Variants in PPM1J observed in about 807,000 individuals in gnomAD.
The protein encoded by PPM1J is protein phosphatase 1J.
A neutral mutation model predicts 53.3 loss-of-function variants in PPM1J; 43 were observed. The ratio of observed to expected loss-of-function variants is 0.81; its 90% CI spans 0.63 to 1.04. PPM1J has a LOEUF of 1.04. PPM1J is among the 50% of genes least tolerant of loss of function. The pLI is 0.00. For synonymous variants in PPM1J, 267 were observed against 286.4 expected, an observed-to-expected ratio of 0.93 and a Z score of 0.68; for missense variants, 635 against 685.9, an observed-to-expected ratio of 0.93 and a Z score of 0.83.
At position 112,712,384 on chromosome 1, in the gene PPM1J, A is replaced by C; in HGVS notation, c.803T>G (p.Leu268Arg). The part of the protein sequence containing the change: ...GGCCALVVIY[L>R]LGKVYVANAG... ...ATTGGCCACGTACACCTTGCCTAGCAGGTAGATCACAACCAGTGCACAGCA... is the reference window on the plus strand; with the variant it reads ...ATTGGCCACGTACACCTTGCCTAGCCGGTAGATCACAACCAGTGCACAGCA... The change falls in exon 4 of 10, where the codon CTG becomes CGG. Residue 268 changes from leucine to arginine, a missense_variant. Leu to Arg is a moderately radical substitution (Grantham distance 102, BLOSUM62 -2). Transcript: ENST00000309276. The C allele has an allele frequency of 6.2e-7, 1 of 1,613,934 alleles. No individual in the cohort carries two copies.
chr1:112,711,056 G>C lies in PPM1J; in HGVS notation c.1062C>G (p.Ile354Met), dbSNP rs755866439. 3.7e-6 allele frequency: 6 copies of C among 1,613,960 alleles called. No homozygotes were observed. Among genetic ancestry groups the C allele is most frequent in the South Asian group, 2.2e-5 (2 of 91,054 alleles). The change falls in exon 7 of 10, where the codon ATC becomes ATG. Residue 354 changes from isoleucine (I) to methionine (M), a missense_variant. Transcript: ENST00000309276. ...QNMTGWAYKK[I>M]ELEDLRFPLV... ...GAGGAAACCTGAGATCCTCCAGCTC[G>C]ATCTTTTTGTAGGCCCTGGGGAGGG...
intron 9 of PPM1J, 60 bp downstream of exon 9, chr1:112,710,400 T>TCC: frequency 1.2e-6 from 2 of 1,611,070 alleles, no homozygotes; most frequent in Non-Finnish European, 1.7e-6. Flanking sequence ...AAGCATTGCT[T>TCC]CCCTTTGACC....
intron 5 of PPM1J, 54 bp downstream of exon 5, chr1:112,711,917 G>T: frequency 1.5e-6 from 2 of 1,290,524 alleles, no homozygotes; most frequent in South Asian, 1.3e-5. Flanking sequence ...ATGGGGTGCA[G>T]GGAGGCACAA....
intron 1 of PPM1J, chr1:112,714,737 C>T (rs1348327574): frequency 2.0e-5 from 25 of 1,253,626 alleles, no homozygotes; most frequent in Non-Finnish European, 2.4e-5. Context: ...CCTGAGGCGG[C>T]GTGGGCGAGG....
At chr1:112,714,814 G>A (rs928762323) in intron 1 of PPM1J, 162 bp downstream of exon 1, 2 of 1,280,974 alleles carry the variant, frequency 1.6e-6, no homozygotes, top group African/African-American at 3.1e-5. Context: ...AAATGGGTTG[G>A]GAGGGGGTGC....
chr1:112,713,655 G>A (rs1282114725), intron 1 of PPM1J, 44 bp from the exon 2 acceptor site: 2 of 1,467,798 alleles, frequency 1.4e-6, no homozygotes, highest in Non-Finnish European at 1.9e-6. Flanking sequence ...ACCAGACCAG[G>A]TCCTGGAATA....
Position 112,710,173 on chromosome 1 carries a change from CT to C in PPM1J, c.1507del (p.Ser503ValfsTer30). On this transcript the variant is annotated frameshift_variant, in exon 10 of 10. Coordinates refer to ENST00000309276, the MANE Select transcript of PPM1J (RefSeq NM_005167.7). LOFTEE classifies it high-confidence loss of function. ...ATGGTGTTCAGCCCCTCAGGAGTAA[CT>C]GCCTGGCCCTCCCAGGGGGATGACG... Reference protein sequence around the residue: ...VFVIPLGGPGSYS With the variant: ...VFVIPLGGPGXYS The C allele has an allele frequency of 6.4e-7, 1 of 1,565,410 alleles. No individual in the cohort carries two copies. The highest frequency in any genetic ancestry group is 8.6e-7 in the Non-Finnish European group (1 of 1,160,150).
At chr1:112,713,086 G>GTC in intron 2 of PPM1J, 55 bp from the exon 3 acceptor site, 1 of 1,409,854 alleles carries the variant, frequency 7.1e-7, no homozygotes, top group Non-Finnish European at 9.6e-7. Context: ...GTGTGTGTGT[G>GTC]TGTGTGTGTG....
At chr1:112,713,696 C>A (rs954089888) in intron 1 of PPM1J, 85 bp from the exon 2 acceptor site, 25 of 1,106,274 alleles carry the variant, frequency 2.3e-5, no homozygotes, top group Non-Finnish European at 3.4e-5. Context: ...CCGTCTCCTG[C>A]GCCCGCTGGC....
chr1:112,710,052 C>G lies in PPM1J; in HGVS notation c.*111G>C, dbSNP rs1675020127. 1 of 1,470,082 alleles carries G rather than the reference C, an allele frequency of 6.8e-7. No homozygotes were observed. Among genetic ancestry groups the G allele is most frequent in the Non-Finnish European group, 9.0e-7 (1 of 1,113,372 alleles). The allele number at this position is 1,470,082 out of a possible 1,614,324, so 91.1% of individuals were successfully genotyped here. On this transcript the variant is annotated 3_prime_UTR_variant, in exon 10 of 10. Coordinates refer to ENST00000309276, the MANE Select transcript of PPM1J (RefSeq NM_005167.7). Reference sequence around the variant, plus strand: ...TGTAATTTTGGATATAGCGGACATCCCTTCTTCAGTTAAGTTGCCACTAAA... The same window carrying G: ...TGTAATTTTGGATATAGCGGACATCGCTTCTTCAGTTAAGTTGCCACTAAA...
At position 112,711,256 on chromosome 1, in the gene PPM1J, G is replaced by T; in HGVS notation, c.1046+10C>A. On this transcript the variant is annotated intron_variant, in intron 6 of 9. Coordinates refer to ENST00000309276, the MANE Select transcript of PPM1J (RefSeq NM_005167.7). ...ATGGGAACGGGCCCCAGCTCTGAGG[G>T]AAGTGTTACCAGCCGGTCATGTTCT... is the stretch of plus-strand genomic sequence containing the variant. 2 of 1,596,172 alleles carry T rather than the reference G, an allele frequency of 1.3e-6. No homozygotes were observed. The highest frequency in any genetic ancestry group is 1.1e-5 in the South Asian group (1 of 90,552).
Position 112,710,230 on chromosome 1 carries a change from T to C in PPM1J, c.1451A>G (p.Lys484Arg), listed in dbSNP as rs1335581142. The C allele has an allele frequency of 6.5e-7, 1 of 1,541,594 alleles. No individual in the cohort carries two copies. The highest frequency in any genetic ancestry group is 2.0e-5 in the Admixed American group (1 of 49,322). ...AGAGATGTCATCCCCGGAACCCAGC[T>C]TGTTGTTGGGGAGACGCCAGCCACG... Reference protein sequence around the residue: ...RDRGWRLPNNKLGSGDDISVF... With the variant: ...RDRGWRLPNNRLGSGDDISVF... Residue 484 changes from lysine (K) to arginine (R), a missense_variant, in exon 10 of 10, where the codon AAG (lysine) becomes AGG (arginine). Physicochemically the swap from Lys to Arg is conservative, Grantham distance 26 (BLOSUM62 2). Coordinates refer to ENST00000309276, the MANE Select transcript of PPM1J (RefSeq NM_005167.7).
At chr1:112,711,104 A>AG in intron 6 of PPM1J, 33 bp from the exon 7 acceptor site, 2 of 1,597,836 alleles carry the variant, frequency 1.3e-6, no homozygotes, top group Non-Finnish European at 1.7e-6. Flanking sequence ...GGCATCACCC[A>AG]GGCATCAAAG....
intron 1 of PPM1J, among the ~76,000 whole-genome samples, chr1:112,713,886 CAAA>C: frequency 7.0e-6 from 1 of 143,788 alleles, no homozygotes; most frequent in East Asian, 2.0e-4. Context: ...CCATCCCTGG[CAAA>C]AAAAAAAGAA....
In PPM1J at chr1:112,712,043, GA is replaced by G. The variant is rs1369000337; in HGVS notation, c.854del (p.Val285AlafsTer28). ...ACATTGGAATGATTTCACCATTCCGGACAATGATGGCCCTGCCCAAAGAAAG... is the reference window on the plus strand; with the variant it reads ...ACATTGGAATGATTTCACCATTCCGGCAATGATGGCCCTGCCCAAAGAAAG... Reference protein sequence around the residue: ...ANAGDSRAIIVRNGEIIPMSR... With the variant: ...ANAGDSRAIIXRNGEIIPMSR... On this transcript the variant is annotated frameshift_variant, in exon 5 of 10. Coordinates refer to ENST00000309276, the MANE Select transcript of PPM1J (RefSeq NM_005167.7). LOFTEE classifies it high-confidence loss of function. The G allele has an allele frequency of 3.1e-5, 50 of 1,609,284 alleles. No homozygotes were observed. Among genetic ancestry groups the G allele is most frequent in the Non-Finnish European group, 4.0e-5 (47 of 1,176,826 alleles).
chr1:112,711,208 G>A, intron 6 of PPM1J, 58 bp downstream of exon 6: 1 of 1,488,128 alleles, frequency 6.7e-7, no homozygotes, highest in South Asian at 1.1e-5. Flanking sequence ...CCTTGCTGCG[G>A]GCGAGGGACT....
chr1:112,710,464 T>G lies in PPM1J; in HGVS notation c.1366A>C (p.Ser456Arg). 6.2e-7 allele frequency: 1 copy of G among 1,613,826 alleles called. No individual in the cohort carries two copies. The highest frequency in any genetic ancestry group is 8.5e-7 in the Non-Finnish European group (1 of 1,180,024). ...VLSAYEPNDH[S>R]RYTALAQALV... ...ACCATGCCATGCAGCCCCTACCTGC[T>G]GTGGTCATTAGGCTCATAGGCCGAC... The change falls in exon 9 of 10, where the codon AGC becomes CGC. Residue 456 changes from serine (S) to arginine (R), a missense_variant. Ser to Arg is a moderately radical substitution (Grantham distance 110). Transcript: ENST00000309276.
In PPM1J at chr1:112,710,071, C is replaced by T. The variant is rs867315965; in HGVS notation, c.*92G>A. Reference sequence around the variant, plus strand: ...GACATCCCTTCTTCAGTTAAGTTGCCACTAAAGAAGGGTCAGGGAGACAAC... The same window carrying T: ...GACATCCCTTCTTCAGTTAAGTTGCTACTAAAGAAGGGTCAGGGAGACAAC... On this transcript the variant is annotated 3_prime_UTR_variant, in exon 10 of 10. Coordinates refer to ENST00000309276, the MANE Select transcript of PPM1J (RefSeq NM_005167.7). The T allele has an allele frequency of 5.4e-6, 8 of 1,470,020 alleles. No individual in the cohort carries two copies. In the African/African-American group the frequency reaches 7.1e-5, roughly 13 times the overall value. The allele number at this position is 1,470,020 out of a possible 1,614,324, so 91.1% of individuals were successfully genotyped here.
intron 1 of PPM1J, chr1:112,714,058 C>A (rs1675136221): frequency 4.8e-6 from 5 of 1,036,708 alleles, no homozygotes; most frequent in Non-Finnish European, 5.8e-6. Context: ...GCACACCCAC[C>A]CTTATCCTAA....
Sources: gnomAD v4.1 joint callset for allele counts (sites outside exome capture counted in the v4.1 genomes callset) on GRCh38, gnomAD v4.1.1 for gene constraint, MANE v1.5 for transcripts, NCBI Gene and HGNC (gene_info 2026-07-23, HGNC 2026-07-21) for gene names.